The following MACROD2 variants were observed in gnomAD, a reference collection of about 807,000 sequenced individuals.
The protein encoded by MACROD2 is ADP-ribose glycohydrolase MACROD2.
A neutral mutation model predicts 70.4 loss-of-function variants in MACROD2; 36 were observed. That is an observed-to-expected ratio of 0.51 (90% CI 0.39 to 0.68). MACROD2 has a LOEUF of 0.68. Among genes scored for constraint, MACROD2 ranks in the 30% least tolerant of loss-of-function variants. The probability of loss-of-function intolerance (pLI) is 0.00; values close to 1 mark genes in which losing one functional copy is unlikely to be tolerated. For missense variants in MACROD2, 496 were observed against 538.4 expected, an observed-to-expected ratio of 0.92 and a Z score of 0.78; for synonymous variants, 172 against 178.8, an observed-to-expected ratio of 0.96 and a Z score of 0.30.
At chr20:15,290,226 AT>A (rs1464529790) in intron 6 of MACROD2, among the ~76,000 whole-genome samples, 1 of 152,192 alleles carries the variant, frequency 6.6e-6, no homozygotes, top group Admixed American at 6.5e-5. Flanking sequence ...TGATGATGTA[AT>A]TTTCTCCCCA....
At chr20:14,471,492 A>G (rs959729356) in intron 3 of MACROD2, among the ~76,000 whole-genome samples, 5 of 152,190 alleles carry the variant, frequency 3.3e-5, no homozygotes, top group African/African-American at 4.8e-5. Context: ...TTCAGTTACA[A>G]TAGAGGGTTC....
At chr20:15,737,449 C>T (rs565419304) in intron 8 of MACROD2, among the ~76,000 whole-genome samples, 9 of 152,170 alleles carry the variant, frequency 5.9e-5, no homozygotes, top group Non-Finnish European at 8.8e-5. Flanking sequence ...GATGCGTGTG[C>T]CACATGCCAA....
At chr20:14,861,321 G>T (rs1439427534) in intron 5 of MACROD2, among the ~76,000 whole-genome samples, 1 of 152,034 alleles carries the variant, frequency 6.6e-6, no homozygotes, top group Non-Finnish European at 1.5e-5. Context: ...TCTCAGTCTT[G>T]TCTACTCATT....
At chr20:15,923,956 T>C (rs1197286101) in intron 10 of MACROD2, among the ~76,000 whole-genome samples, 1 of 152,242 alleles carries the variant, frequency 6.6e-6, no homozygotes, top group East Asian at 1.9e-4. Flanking sequence ...TAAATACACA[T>C]AGACCACCCT....
chr20:14,467,655 C>A (rs143290497), intron 3 of MACROD2, among the ~76,000 whole-genome samples: 2 of 151,922 alleles, frequency 1.3e-5, no homozygotes, highest in African/African-American at 2.4e-5. Context: ...TGTTTCTATT[C>A]GGCTATCTTG....
intron 1 of MACROD2, among the ~76,000 whole-genome samples, chr20:13,998,557 C>A (rs1279763835): frequency 6.6e-6 from 1 of 152,110 alleles, no homozygotes; most frequent in Non-Finnish European, 1.5e-5. Flanking sequence ...AATCATCTCC[C>A]TTTTCTGCCT....
At chr20:14,438,068 A>G (rs2084079260) in intron 3 of MACROD2, among the ~76,000 whole-genome samples, 2 of 152,086 alleles carry the variant, frequency 1.3e-5, no homozygotes, top group African/African-American at 4.8e-5. Context: ...CATATTTGCT[A>G]TTTTACATAC....
intron 7 of MACROD2, among the ~76,000 whole-genome samples, chr20:15,463,297 G>C (rs952225732): frequency 6.6e-6 from 1 of 152,198 alleles, no homozygotes; most frequent in Non-Finnish European, 1.5e-5. Context: ...TCATTAATTA[G>C]TGATGTTTGC....
chr20:15,933,171 A>C, intron 10 of MACROD2, 105 bp from the exon 11 acceptor site: 1 of 1,087,844 alleles, frequency 9.2e-7, no homozygotes, highest in African/African-American at 1.6e-5. Flanking sequence ...ATGGGGAGTC[A>C]TGCTACATTG....
intron 5 of MACROD2, among the ~76,000 whole-genome samples, chr20:15,032,096 C>T (rs1457496757): frequency 6.6e-6 from 1 of 152,192 alleles, no homozygotes; most frequent in Non-Finnish European, 1.5e-5. Context: ...AGTGCCTGGG[C>T]TTAGCCACAA....
intron 7 of MACROD2, among the ~76,000 whole-genome samples, chr20:15,474,230 A>G (rs1004576616): frequency 6.6e-6 from 1 of 152,196 alleles, no homozygotes; most frequent in African/African-American, 2.4e-5. Flanking sequence ...TAGCAACTTC[A>G]TGGTTGATTT....
chr20:15,479,133 G>A (rs2047060433), intron 7 of MACROD2, among the ~76,000 whole-genome samples: 1 of 152,208 alleles, frequency 6.6e-6, no homozygotes, highest in Non-Finnish European at 1.5e-5. Context: ...CTTGACATCT[G>A]AAGGATGGCC....
At chr20:14,988,666 T>C (rs1183834038) in intron 5 of MACROD2, among the ~76,000 whole-genome samples, 3 of 152,176 alleles carry the variant, frequency 2.0e-5, no homozygotes, top group African/African-American at 7.2e-5. Flanking sequence ...TACTCATCAG[T>C]ACCCACATCT....
intron 6 of MACROD2, among the ~76,000 whole-genome samples, chr20:15,384,347 A>G (rs1021314257): frequency 6.6e-6 from 1 of 151,610 alleles, no homozygotes; most frequent in Non-Finnish European, 1.5e-5. Flanking sequence ...AACCTCCCCC[A>G]CTCCCCAGGT....
chr20:15,478,328 G>T (rs2047049424), intron 7 of MACROD2, among the ~76,000 whole-genome samples: 1 of 152,158 alleles, frequency 6.6e-6, no homozygotes, highest in Non-Finnish European at 1.5e-5. Flanking sequence ...ATCGGTTCTG[G>T]CTTGTTCAAG....
At chr20:15,911,259 T>C (rs114233917) in intron 10 of MACROD2, among the ~76,000 whole-genome samples, 1 of 152,112 alleles carries the variant, frequency 6.6e-6, no homozygotes, top group Non-Finnish European at 1.5e-5. Flanking sequence ...AGCTGAGTGG[T>C]TCCCCAGAGG....
intron 5 of MACROD2, among the ~76,000 whole-genome samples, chr20:14,838,291 CA>C (rs2073051993): frequency 3.9e-5 from 6 of 152,140 alleles, no homozygotes; most frequent in Admixed American, 3.9e-4. Context: ...AATTCTTTTA[CA>C]AGACCAGACG....
chr20:15,414,334 C>T (rs1218734606), intron 6 of MACROD2, among the ~76,000 whole-genome samples: 1 of 152,172 alleles, frequency 6.6e-6, no homozygotes, highest in Non-Finnish European at 1.5e-5. Flanking sequence ...CAGACCCCAA[C>T]CCAGACTCAC....
chr20:14,910,360 C>A (rs1253925350), intron 5 of MACROD2, among the ~76,000 whole-genome samples: 1 of 152,118 alleles, frequency 6.6e-6, no homozygotes, highest in Admixed American at 6.5e-5. Flanking sequence ...AGTACTGCAG[C>A]CCCTCAAGGG....
Sources: allele counts gnomAD v4.1 joint callset (sites outside exome capture counted in the v4.1 genomes callset), GRCh38; gene constraint gnomAD v4.1.1; transcripts MANE v1.5; gene names NCBI Gene and HGNC (gene_info 2026-07-23, HGNC 2026-07-21).